Variants in NELL1 observed in about 807,000 individuals in gnomAD.
NELL1 encodes the protein neural EGFL like 1, also known as protein kinase C-binding protein NELL1.
Under a neutral mutation model 107.4 loss-of-function variants are expected in NELL1, and 76 were observed. That is an observed-to-expected ratio of 0.71 (90% CI 0.59 to 0.86). The LOEUF is 0.86. Ranked by LOEUF, NELL1 falls within the 40% of genes least tolerant of loss-of-function variation. NELL1 has a pLI of 0.00. For missense variants in NELL1, 1,024 were observed against 1,005.5 expected, an observed-to-expected ratio of 1.02 and a Z score of -0.25; for synonymous variants, 353 against 341.2, an observed-to-expected ratio of 1.03 and a Z score of -0.38.
chr11:20,875,590 A>G (rs1394307688), intron 4 of NELL1, among the ~76,000 whole-genome samples: 3 of 152,222 alleles, frequency 2.0e-5, no homozygotes, highest in Non-Finnish European at 4.4e-5. Context: ...AAAATTTTAA[A>G]AAATTAAAAA....
intron 2 of NELL1, among the ~76,000 whole-genome samples, chr11:20,749,980 G>A (rs1297914088): frequency 1.3e-5 from 2 of 152,082 alleles, no homozygotes; most frequent in South Asian, 2.1e-4. Flanking sequence ...GGAATTGCTG[G>A]GACAGAGAGT....
At chr11:21,289,529 T>A (rs1372227996) in intron 14 of NELL1, among the ~76,000 whole-genome samples, 1 of 152,132 alleles carries the variant, frequency 6.6e-6, no homozygotes, top group Non-Finnish European at 1.5e-5. Flanking sequence ...GACCAGGAGA[T>A]TCCCTTGGGT....
intron 15 of NELL1, among the ~76,000 whole-genome samples, chr11:21,447,067 C>T (rs1853450120): frequency 6.6e-6 from 1 of 152,174 alleles, no homozygotes. Flanking sequence ...TACAGGCCCA[C>T]AAGTAGTATT....
intron 12 of NELL1, among the ~76,000 whole-genome samples, chr11:20,987,337 G>C (rs1399004356): frequency 6.6e-6 from 1 of 152,176 alleles, no homozygotes; most frequent in African/African-American, 2.4e-5. Flanking sequence ...CAAGTTACTA[G>C]CTATGGATGT....
intron 15 of NELL1, among the ~76,000 whole-genome samples, chr11:21,485,319 G>T (rs1196522296): frequency 6.6e-6 from 1 of 152,116 alleles, no homozygotes; most frequent in African/African-American, 2.4e-5. Context: ...TCCCACTGCT[G>T]TGAGCTGTTG....
intron 13 of NELL1, among the ~76,000 whole-genome samples, chr11:21,184,023 G>T (rs1167844296): frequency 6.6e-6 from 1 of 151,742 alleles, no homozygotes; most frequent in Non-Finnish European, 1.5e-5. Context: ...GTAGTGAAGG[G>T]CAATGCGATA....
At chr11:21,527,743 T>G (rs10741886) in intron 15 of NELL1, among the ~76,000 whole-genome samples, 80,768 of 152,000 alleles carry the variant, frequency 0.53, 21,974 homozygotes, top group Non-Finnish European at 0.58. Flanking sequence ...AATCTCTGGT[T>G]TAGGTCCAAG....
chr11:21,052,928 AG>A (rs1370771217), intron 12 of NELL1, among the ~76,000 whole-genome samples: 1 of 152,066 alleles, frequency 6.6e-6, no homozygotes, highest in African/African-American at 2.4e-5. Context: ...TTTGTAGATA[AG>A]GGAAGAGAGT....
chr11:20,834,432 G>A (rs572124960), intron 3 of NELL1, among the ~76,000 whole-genome samples: 1 of 152,248 alleles, frequency 6.6e-6, no homozygotes, highest in Non-Finnish European at 1.5e-5. Context: ...AGTTGGTTAT[G>A]CAAGTAAGCA....
intron 15 of NELL1, among the ~76,000 whole-genome samples, chr11:21,496,162 A>T (rs1392155086): frequency 2.0e-5 from 3 of 151,930 alleles, no homozygotes; most frequent in Non-Finnish European, 4.4e-5. Context: ...TACTTCTTAT[A>T]TGCACAGTTG....
At chr11:21,065,237 G>A (rs936766661) in intron 12 of NELL1, among the ~76,000 whole-genome samples, 1 of 151,964 alleles carries the variant, frequency 6.6e-6, no homozygotes, top group Non-Finnish European at 1.5e-5. Flanking sequence ...ACCTTTAAAA[G>A]GATCTGGTTT....
chr11:21,432,726 T>G (rs1852997038), intron 15 of NELL1, among the ~76,000 whole-genome samples: 1 of 152,162 alleles, frequency 6.6e-6, no homozygotes, highest in Admixed American at 6.6e-5. Flanking sequence ...TCTTAATATT[T>G]GTTTAGTTCA....
intron 15 of NELL1, among the ~76,000 whole-genome samples, chr11:21,498,333 T>TTA (rs34418018): frequency 0.02 from 2,269 of 113,712 alleles, 43 homozygotes; most frequent in African/African-American, 0.05. Flanking sequence ...CATAAACATA[T>TTA]TATATATATA....
chr11:21,125,509 T>C lies in NELL1; in HGVS notation c.1426+11795T>C, dbSNP rs1231248827. 2.0e-5 allele frequency among the ~76,000 whole-genome samples: 3 copies of C among 152,364 alleles called. No homozygotes were observed. The East Asian group carries it at 5.8e-4, about 29-fold the overall frequency. ...TTCTATGATTCTGTAAGATATGGTTTCTGACCTCTAGGAGATTGTGGTCTC... is the reference window on the plus strand; with the variant it reads ...TTCTATGATTCTGTAAGATATGGTTCCTGACCTCTAGGAGATTGTGGTCTC... On this transcript the variant is annotated intron_variant, in intron 13 of 19. Transcript: ENST00000357134.
intron 13 of NELL1, among the ~76,000 whole-genome samples, chr11:21,151,222 T>G (rs2133786832): frequency 6.6e-6 from 1 of 152,278 alleles, no homozygotes; most frequent in African/African-American, 2.4e-5. Context: ...GTTTCACTGG[T>G]CTAGAGGAAC....
At chr11:21,345,464 T>C (rs1291407957) in intron 14 of NELL1, among the ~76,000 whole-genome samples, 1 of 152,202 alleles carries the variant, frequency 6.6e-6, no homozygotes, top group African/African-American at 2.4e-5. Flanking sequence ...AGCTGTGAAG[T>C]TGACAGAGCA....
chr11:21,017,742 A>G (rs1389333908), intron 12 of NELL1, among the ~76,000 whole-genome samples: 2 of 152,058 alleles, frequency 1.3e-5, no homozygotes, highest in African/African-American at 2.4e-5. Context: ...TAATATATCC[A>G]TTCCTTATTT....
At chr11:21,063,428 G>C (rs1213521482) in intron 12 of NELL1, among the ~76,000 whole-genome samples, 1 of 152,122 alleles carries the variant, frequency 6.6e-6, no homozygotes, top group Non-Finnish European at 1.5e-5. Context: ...TCTCCCTGGA[G>C]GTCAAATTGC....
chr11:20,766,356 A>C (rs964968655), intron 2 of NELL1, among the ~76,000 whole-genome samples: 3 of 152,250 alleles, frequency 2.0e-5, no homozygotes, highest in Non-Finnish European at 2.9e-5. Flanking sequence ...GAAGGTCCTC[A>C]TCTGACTGGG....
Sources: allele counts gnomAD v4.1 joint callset (sites outside exome capture counted in the v4.1 genomes callset), GRCh38; gene constraint gnomAD v4.1.1; transcripts MANE v1.5; gene names NCBI Gene and HGNC (gene_info 2026-07-23, HGNC 2026-07-21).